Variants in GAS2 observed in about 807,000 individuals in gnomAD.
GAS2 encodes the protein growth arrest specific 2.
A neutral mutation model predicts 37.5 loss-of-function variants in GAS2; 20 were observed. The observed-to-expected ratio is 0.53, with a 90% CI of 0.37 to 0.77. GAS2 has a LOEUF of 0.77. GAS2 is among the 30% of genes least tolerant of loss of function. GAS2 has a pLI of 0.00. For missense variants in GAS2, 336 were observed against 373.4 expected (o/e 0.90, Z 0.82); for synonymous variants, 144 against 132.2 (o/e 1.09, Z -0.61).
At chr11:22,647,826 T>A (rs557304318) in intron 1 of GAS2, among the ~76,000 whole-genome samples, 4 of 152,024 alleles carry the variant, frequency 2.6e-5, no homozygotes, top group African/African-American at 9.7e-5. Context: ...GATATTAGCC[T>A]TTTGTCAGAT....
chr11:22,694,990 T>C (rs1019884522), intron 3 of GAS2, among the ~76,000 whole-genome samples: 32 of 152,198 alleles, frequency 2.1e-4, no homozygotes. Context: ...TGCAGTATTT[T>C]GACGCCTGGT....
chr11:22,677,626 G>A (rs1435684966), intron 2 of GAS2, among the ~76,000 whole-genome samples: 1 of 152,164 alleles, frequency 6.6e-6, no homozygotes, highest in East Asian at 1.9e-4. Context: ...CTTGATCAGT[G>A]TGAGCAGCCC....
chr11:22,811,784 T>C lies in GAS2; in HGVS notation c.724-14T>C. 6.2e-7 allele frequency: 1 copy of C among 1,612,368 alleles called. No individual in the cohort carries two copies. The highest frequency in any genetic ancestry group is 1.1e-5 in the South Asian group (1 of 91,038). ...TTCTCGGAATTTAACACTTTTGATA[T>C]TTTTTCATTTCAGATGCTGCACAAC... On this transcript the variant is annotated splice_polypyrimidine_tract_variant and intron_variant, in intron 7 of 7. Coordinates refer to ENST00000454584, the MANE Select transcript of GAS2 (RefSeq NM_001143830.3).
At chr11:22,800,011 T>G (rs2134634017) in intron 7 of GAS2, among the ~76,000 whole-genome samples, 1 of 152,212 alleles carries the variant, frequency 6.6e-6, no homozygotes, top group Admixed American at 6.6e-5. Flanking sequence ...CTTGGGATTT[T>G]AAGGAGTTCA....
intron 6 of GAS2, among the ~76,000 whole-genome samples, chr11:22,754,571 A>G (rs1482609825): frequency 2.0e-5 from 3 of 151,738 alleles, no homozygotes; most frequent in African/African-American, 7.3e-5. Context: ...TACATGCGAT[A>G]AATTTATGAG....
chr11:22,668,791 C>T (rs890842009), intron 1 of GAS2, among the ~76,000 whole-genome samples: 4 of 152,168 alleles, frequency 2.6e-5, no homozygotes, highest in African/African-American at 9.7e-5. Context: ...CATGATGAGG[C>T]TGTAACTGTT....
At chr11:22,722,498 C>T (rs1364422502) in intron 3 of GAS2, among the ~76,000 whole-genome samples, 9 of 151,910 alleles carry the variant, frequency 5.9e-5, no homozygotes, top group Non-Finnish European at 1.5e-5. Context: ...TAGCATGACT[C>T]TTGCTAGTGA....
At chr11:22,665,521 T>A (rs1473230622), upstream of GAS2, among the ~76,000 whole-genome samples, 1 of 152,206 alleles carries the variant, frequency 6.6e-6, no homozygotes, top group African/African-American at 2.4e-5. Flanking sequence ...GTTGACCTTT[T>A]AAAAATGCTG....
chr11:22,717,917 T>C (rs1851757976), intron 3 of GAS2, among the ~76,000 whole-genome samples: 1 of 152,032 alleles, frequency 6.6e-6, no homozygotes. Context: ...AAAACCACAA[T>C]GTGATACCAC....
chr11:22,669,000 T>C (rs372470092), intron 1 of GAS2, among the ~76,000 whole-genome samples: 1 of 152,216 alleles, frequency 6.6e-6, no homozygotes. Flanking sequence ...CAAAATTAAG[T>C]AAGAGGCTTA....
At chr11:22,683,988 A>G (rs1373214682) in intron 2 of GAS2, among the ~76,000 whole-genome samples, 2 of 152,346 alleles carry the variant, frequency 1.3e-5, no homozygotes, top group South Asian at 4.1e-4. Context: ...AAACAGATCA[A>G]TGTGTACTGG....
chr11:22,697,253 T>C (rs1232315084), intron 3 of GAS2, among the ~76,000 whole-genome samples: 2 of 151,962 alleles, frequency 1.3e-5, no homozygotes, highest in Non-Finnish European at 2.9e-5. Context: ...CAGATAGTTG[T>C]AGATAAGTGG....
intron 4 of GAS2, among the ~76,000 whole-genome samples, chr11:22,733,171 A>G (rs1170365908): frequency 6.6e-6 from 1 of 151,512 alleles, no homozygotes; most frequent in African/African-American, 2.4e-5. Context: ...GAGTGCAAGT[A>G]GAAGACATGG....
At chr11:22,643,719 C>T (rs1447598149) in intron 1 of GAS2, among the ~76,000 whole-genome samples, 4 of 151,180 alleles carry the variant, frequency 2.6e-5, no homozygotes, top group African/African-American at 4.8e-5. Flanking sequence ...AAATACGGAC[C>T]GGGTTCTGTT....
At chr11:22,774,728 G>C (rs1855162962) in intron 7 of GAS2, among the ~76,000 whole-genome samples, 1 of 151,490 alleles carries the variant, frequency 6.6e-6, no homozygotes, top group Non-Finnish European at 1.5e-5. Context: ...ATTTCTTCTG[G>C]TTAAATTTGG....
chr11:22,795,756 G>A lies in GAS2; in HGVS notation c.724-16042G>A, dbSNP rs565009213. The stretch of plus-strand genomic sequence containing the variant: ...ATGGGGAGCCATGCAGGGTTTTGAA[G>A]AGTTATGGCATGAGGTGACTTCTAT... On this transcript the variant is annotated intron_variant, in intron 7 of 7. Transcript: ENST00000454584. 6.5e-4 allele frequency among the ~76,000 whole-genome samples: 99 copies of A among 152,228 alleles called. 1 individual carries two copies. The highest frequency in any genetic ancestry group is 2.4e-3 in the African/African-American group (98 of 41,548).
At chr11:22,749,363 A>C in intron 6 of GAS2, 102 bp downstream of exon 6, 3 of 1,081,526 alleles carry the variant, frequency 2.8e-6, no homozygotes, top group South Asian at 1.9e-5. Context: ...ACCTATATCA[A>C]TTTTCTTGAA....
chr11:22,649,142 G>C (rs1848740360), intron 1 of GAS2, among the ~76,000 whole-genome samples: 2 of 151,418 alleles, frequency 1.3e-5, no homozygotes, highest in South Asian at 2.1e-4. Flanking sequence ...GTTGAATTTT[G>C]TCAAAGGCCT....
chr11:22,653,797 G>C (rs1848824930), intron 1 of GAS2, among the ~76,000 whole-genome samples: 1 of 152,154 alleles, frequency 6.6e-6, no homozygotes, highest in Admixed American at 6.5e-5. Flanking sequence ...GAATGGACTC[G>C]TGACTGATTT....
Sources: gnomAD v4.1 joint callset for allele counts (sites outside exome capture counted in the v4.1 genomes callset) on GRCh38, gnomAD v4.1.1 for gene constraint, MANE v1.5 for transcripts, NCBI Gene and HGNC (gene_info 2026-07-23, HGNC 2026-07-21) for gene names.